The following CSTF3 variants were observed in gnomAD, a reference collection of about 807,000 sequenced individuals.
CSTF3 encodes the protein CF-1 77 kDa subunit.
CSTF3 carries 29 observed loss-of-function variants against 105.8 expected under a neutral mutation model. The ratio of observed to expected loss-of-function variants is 0.27; its 90% CI spans 0.20 to 0.37. CSTF3 has a LOEUF of 0.37. CSTF3 is among the 10% of genes least tolerant of loss of function. CSTF3 has a pLI of 1.00. For missense variants in CSTF3, 357 were observed against 879.3 expected (o/e 0.41, Z 7.51); for synonymous variants, 252 against 281.9 (o/e 0.89, Z 1.06).
rs374798484 is a variant in CSTF3, at chr11:33,132,934, TATATATA to T, written c.225+8726_225+8732del. On this transcript the variant is annotated intron_variant, in intron 3 of 20. Transcript: ENST00000323959. The stretch of plus-strand genomic sequence containing the variant: ...TATCCATTTCCTATATCATACAGTT[TATATATA>T]ATATATATGTAACATACAATATATA... 2.3e-3 allele frequency among the ~76,000 whole-genome samples: 355 copies of T among 152,130 alleles called. 1 individual carries two copies. Among genetic ancestry groups the T allele is most frequent in the African/African-American group, 8.1e-3 (337 of 41,548 alleles).
intron 20 of CSTF3, among the ~76,000 whole-genome samples, 178 bp downstream of exon 20, chr11:33,085,535 G>T (rs1445743886): frequency 6.6e-6 from 1 of 152,212 alleles, no homozygotes; most frequent in African/African-American, 2.4e-5. Flanking sequence ...TTACTTAGTG[G>T]AATTCAATGT....
At chr11:33,092,395 T>C (rs1427105447) in intron 15 of CSTF3, 55 bp from the exon 16 acceptor site, 2 of 1,124,894 alleles carry the variant, frequency 1.8e-6, no homozygotes, top group Non-Finnish European at 2.6e-6. Flanking sequence ...GATGCAACAA[T>C]ATTTTCATAT....
At chr11:33,119,810 A>G (rs927874317) in intron 3 of CSTF3, among the ~76,000 whole-genome samples, 4 of 151,760 alleles carry the variant, frequency 2.6e-5, no homozygotes, top group Admixed American at 2.0e-4. Flanking sequence ...AGCCTTCTCA[A>G]TCCTATATGG....
At position 33,090,628 on chromosome 11, in the gene CSTF3, CTCT is replaced by C. The variant is rs775978199; in HGVS notation, c.1542_1544del (p.Glu515del). Reference sequence around the variant, plus strand: ...GTAAAGCCGTTTCTTTCCCTTCATACTCTTCTTTGAATGCTGTAAACCGTCTTT... The same window carrying C: ...GTAAAGCCGTTTCTTTCCCTTCATACTCTTTGAATGCTGTAAACCGTCTTT... On this transcript the variant is annotated inframe_deletion, in exon 17 of 21. Transcript: ENST00000323959. 1 of 1,612,676 alleles carries C rather than the reference CTCT, an allele frequency of 6.2e-7. No individual in the cohort carries two copies. The highest frequency in any genetic ancestry group is 8.5e-7 in the Non-Finnish European group (1 of 1,179,370).
At chr11:33,097,652 C>T (rs1381565710) in intron 13 of CSTF3, among the ~76,000 whole-genome samples, 1 of 152,196 alleles carries the variant, frequency 6.6e-6, no homozygotes, top group Non-Finnish European at 1.5e-5. Flanking sequence ...CAGGTGTGAG[C>T]TACCGCGCCC....
intron 16 of CSTF3, 118 bp downstream of exon 16, chr11:33,092,153 G>T: frequency 1.6e-6 from 1 of 622,478 alleles, no homozygotes. Context: ...TAAAACTTGA[G>T]AAGGAAAGGA....
At chr11:33,124,596 A>G (rs1187020815) in intron 3 of CSTF3, among the ~76,000 whole-genome samples, 2 of 152,188 alleles carry the variant, frequency 1.3e-5, no homozygotes, top group African/African-American at 2.4e-5. Context: ...AATTCCAGTA[A>G]GAGTCCTTTC....
chr11:33,108,093 C>T, intron 4 of CSTF3, 93 bp from the exon 5 acceptor site: 1 of 745,720 alleles, frequency 1.3e-6, no homozygotes, highest in Non-Finnish European at 2.0e-6. Context: ...AATTCAGCTC[C>T]CTTTATGAAT....
In CSTF3 at chr11:33,085,733, C is replaced by A; in HGVS notation, c.1931G>T (p.Arg644Leu). 1.9e-6 allele frequency: 3 copies of A among 1,613,556 alleles called. No homozygotes were observed. The highest frequency in any genetic ancestry group is 1.7e-6 in the Non-Finnish European group (2 of 1,179,606). Residue 644 changes from arginine to leucine, a missense_variant, in exon 20 of 21, where the codon CGA becomes CTA. Around this residue, in one of 4 missense-constraint regions of CSTF3, gnomAD observed 73 missense variants for 105.8 expected, o/e 0.69. Transcript: ENST00000323959. Reference protein sequence around the residue: ...VQVDELMEIFRRCKIPNTVEE... With the variant: ...VQVDELMEIFLRCKIPNTVEE... ...CTTACTATTTGGTATCTTGCATCTT[C>A]GGAAAATTTCCATCAGTTCATCCAC...
intron 14 of CSTF3, 78 bp from the exon 15 acceptor site, chr11:33,096,486 C>T: frequency 1.1e-6 from 1 of 871,076 alleles, no homozygotes; most frequent in South Asian, 1.5e-5. Context: ...TAAAATTATA[C>T]CTACATATGA....
chr11:33,106,162 T>C, intron 5 of CSTF3, 98 bp from the exon 6 acceptor site: 2 of 870,654 alleles, frequency 2.3e-6, no homozygotes, highest in Non-Finnish European at 1.8e-6. Flanking sequence ...GTAATCCCAC[T>C]GCTTTGGGAG....
intron 1 of CSTF3, among the ~76,000 whole-genome samples, chr11:33,154,816 G>C (rs1029458216): frequency 6.6e-6 from 1 of 151,928 alleles, no homozygotes; most frequent in Non-Finnish European, 1.5e-5. Context: ...TCATAGAGGA[G>C]TAACCTAACT....
chr11:33,085,632 A>G, intron 20 of CSTF3, 81 bp downstream of exon 20: 12 of 1,286,858 alleles, frequency 9.3e-6, no homozygotes, highest in Non-Finnish European at 1.3e-5. Context: ...CGAAAACTTC[A>G]GTGGCAGAGA....
At chr11:33,151,122 T>C (rs1025408634) in intron 1 of CSTF3, among the ~76,000 whole-genome samples, 7 of 152,162 alleles carry the variant, frequency 4.6e-5, no homozygotes, top group Admixed American at 2.6e-4. Context: ...GGGCAACTAC[T>C]AATCTATTTT....
intron 16 of CSTF3, among the ~76,000 whole-genome samples, chr11:33,091,054 C>T (rs1321341762): frequency 6.6e-6 from 1 of 152,090 alleles, no homozygotes; most frequent in African/African-American, 2.4e-5. Context: ...TTGTGGTCAA[C>T]ATGAGACTTA....
rs772289477 is a variant in CSTF3, at chr11:33,150,033, CA to C, written c.28-8048del. Reference sequence around the variant, plus strand: ...GACTCCGTCTTGAAAACAAAACAAACAAACAACAACAACAACAACAACAAAA... The same window carrying C: ...GACTCCGTCTTGAAAACAAAACAAACAACAACAACAACAACAACAACAAAA... On this transcript the variant is annotated intron_variant, in intron 1 of 20. Transcript: ENST00000323959. Among the ~76,000 whole-genome samples, 449 of 93,552 alleles carry C rather than the reference CA, an allele frequency of 4.8e-3. 2 individuals are homozygous for C. Among genetic ancestry groups the C allele is most frequent in the African/African-American group, 0.012 (423 of 35,690 alleles). 61.4% of individuals were successfully genotyped at this position (93,552 alleles called of 152,430 possible). A position where few individuals can be genotyped will look rare whatever the true frequency, so the allele number is the denominator to read the frequency against.
intron 3 of CSTF3, among the ~76,000 whole-genome samples, chr11:33,112,733 A>C (rs140037810): frequency 6.6e-6 from 1 of 152,220 alleles, no homozygotes; most frequent in Non-Finnish European, 1.5e-5. Flanking sequence ...ACATGAAAAC[A>C]TCTTAGCTAT....
chr11:33,103,358 T>C (rs748224640), intron 8 of CSTF3, among the ~76,000 whole-genome samples, 174 bp from the exon 9 acceptor site: 1 of 152,210 alleles, frequency 6.6e-6, no homozygotes, highest in Non-Finnish European at 1.5e-5. Context: ...AATCACATTA[T>C]ACATTTCCAA....
At chr11:33,148,388 T>C (rs1464194786) in intron 1 of CSTF3, among the ~76,000 whole-genome samples, 1 of 152,198 alleles carries the variant, frequency 6.6e-6, no homozygotes, top group Non-Finnish European at 1.5e-5. Context: ...TTCTAACGTA[T>C]AGCAGTCCTA....
Sources: allele counts gnomAD v4.1 joint callset (sites outside exome capture counted in the v4.1 genomes callset), GRCh38; gene constraint gnomAD v4.1.1; regional missense constraint gnomAD v4.1.1; transcripts MANE v1.5; gene names NCBI Gene and HGNC (gene_info 2026-07-23, HGNC 2026-07-21).